The following CNTNAP2 variants were observed in gnomAD, a reference collection of about 807,000 sequenced individuals.
The protein encoded by CNTNAP2 is contactin-associated protein-like 2.
Under a neutral mutation model 155.2 loss-of-function variants are expected in CNTNAP2, and 98 were observed. That is an observed-to-expected ratio of 0.63 (90% CI 0.54 to 0.75). The LOEUF is 0.75. Ranked by LOEUF, CNTNAP2 falls within the 30% of genes least tolerant of loss-of-function variation. The pLI, the probability that CNTNAP2 is intolerant of heterozygous loss-of-function variation, is 0.00. For synonymous variants in CNTNAP2, 651 were observed against 631.2 expected (o/e 1.03, Z -0.47); for missense variants, 1,727 against 1,688.1 (o/e 1.02, Z -0.40).
At chr7:146,485,792 T>C (rs1476289084) in intron 1 of CNTNAP2, among the ~76,000 whole-genome samples, 1 of 151,862 alleles carries the variant, frequency 6.6e-6, no homozygotes, top group African/African-American at 2.4e-5. Flanking sequence ...TGAAATAATC[T>C]GTACAAAAAA....
chr7:147,866,782 T>G (rs2116695012), intron 13 of CNTNAP2, among the ~76,000 whole-genome samples: 1 of 151,712 alleles, frequency 6.6e-6, no homozygotes. Flanking sequence ...TTGTTGTTGT[T>G]TTGCTTTCCA....
intron 1 of CNTNAP2, among the ~76,000 whole-genome samples, chr7:146,334,178 T>C (rs1018327004): frequency 2.6e-5 from 4 of 152,278 alleles, no homozygotes; most frequent in South Asian, 2.1e-4. Context: ...ACGCCTGTAA[T>C]CCCAGCACTT....
chr7:146,670,462 G>A (rs971356111), intron 1 of CNTNAP2, among the ~76,000 whole-genome samples: 10 of 88,260 alleles, frequency 1.1e-4, no homozygotes, highest in Admixed American at 6.4e-4. Flanking sequence ...CTAGATGTGC[G>A]AACTCTAGCA....
At chr7:147,962,260 A>G (rs1218606606) in intron 14 of CNTNAP2, among the ~76,000 whole-genome samples, 1 of 152,218 alleles carries the variant, frequency 6.6e-6, no homozygotes, top group East Asian at 1.9e-4. Flanking sequence ...GTTTGCAGAT[A>G]CAAGTTTAAG....
intron 18 of CNTNAP2, among the ~76,000 whole-genome samples, chr7:148,207,059 G>T (rs6963532): frequency 0.74 from 113,228 of 152,112 alleles, 43,554 homozygotes; most frequent in Non-Finnish European, 0.83. Flanking sequence ...CGCAAACTCC[G>T]TTTGGGAAAA....
intron 13 of CNTNAP2, among the ~76,000 whole-genome samples, chr7:147,665,791 G>A (rs1440539528): frequency 6.6e-6 from 1 of 152,132 alleles, no homozygotes; most frequent in Non-Finnish European, 1.5e-5. Flanking sequence ...TTCCTACAGA[G>A]GACATGACCT....
At chr7:147,885,289 C>T (rs10259139) in intron 13 of CNTNAP2, among the ~76,000 whole-genome samples, 2,807 of 152,160 alleles carry the variant, frequency 0.018, 78 homozygotes, top group African/African-American at 0.061. Flanking sequence ...CTCTCCTGGT[C>T]GTGTCTTCAT....
intron 11 of CNTNAP2, among the ~76,000 whole-genome samples, chr7:147,535,346 C>T (rs577846644): frequency 2.4e-4 from 37 of 152,102 alleles, no homozygotes; most frequent in South Asian, 1.9e-3. Flanking sequence ...GAGTCAAGAT[C>T]GCGCCACTGC....
At chr7:146,229,454 T>C in intron 1 of CNTNAP2, among the ~76,000 whole-genome samples, 1 of 152,188 alleles carries the variant, frequency 6.6e-6, no homozygotes, top group East Asian at 1.9e-4. Flanking sequence ...CTCCAGGTAG[T>C]GGTTTGAATA....
intron 1 of CNTNAP2, among the ~76,000 whole-genome samples, chr7:146,479,532 T>C (rs1796928579): frequency 2.0e-5 from 3 of 152,120 alleles, no homozygotes; most frequent in Non-Finnish European, 4.4e-5. Context: ...TAAATGAGAT[T>C]ATTCTTATGC....
chr7:147,811,721 A>G (rs1007154501), intron 13 of CNTNAP2, among the ~76,000 whole-genome samples: 1 of 152,158 alleles, frequency 6.6e-6, no homozygotes, highest in African/African-American at 2.4e-5. Context: ...AATGATCCCC[A>G]TACATTTTAC....
chr7:146,332,941 ATTTTTTTTTTTT>A (rs4016094), intron 1 of CNTNAP2, among the ~76,000 whole-genome samples: 2 of 102,456 alleles, frequency 2.0e-5, no homozygotes, highest in African/African-American at 3.6e-5. Flanking sequence ...TTCTTCTTCT[ATTTTTTTTTTTT>A]TTTTTTTTTT....
chr7:147,692,609 G>C (rs1796103548), intron 13 of CNTNAP2, among the ~76,000 whole-genome samples: 1 of 152,060 alleles, frequency 6.6e-6, no homozygotes, highest in South Asian at 2.1e-4. Flanking sequence ...GATGACATGA[G>C]CATTTTTTCT....
intron 3 of CNTNAP2, among the ~76,000 whole-genome samples, chr7:146,862,865 C>A (rs1318182311): frequency 2.0e-5 from 3 of 152,290 alleles, no homozygotes; most frequent in Admixed American, 6.5e-5. Context: ...GTAATGTGGT[C>A]ATTCTGGTTC....
chr7:146,869,870 C>T lies in CNTNAP2; in HGVS notation c.402+29966C>T, dbSNP rs534667715. Among the ~76,000 whole-genome samples the T allele has an allele frequency of 3.3e-5, 5 of 152,264 alleles. No individual in the cohort carries two copies. In the South Asian group the frequency reaches 1.0e-3, roughly 32 times the overall value. ...TGTGGGTACGTCTTCCTCTCCCAGT[C>T]CACTGACTCGAATATTAATCTCTTC... On this transcript the variant is annotated intron_variant, in intron 3 of 23. Coordinates refer to ENST00000361727, the MANE Select transcript of CNTNAP2 (RefSeq NM_014141.6).
intron 10 of CNTNAP2, among the ~76,000 whole-genome samples, chr7:147,483,650 A>G (rs1222989386): frequency 6.6e-6 from 1 of 152,240 alleles, no homozygotes; most frequent in Non-Finnish European, 1.5e-5. Context: ...ATTAACCCGC[A>G]ATAATTTAGA....
At chr7:146,781,232 A>AG (rs1802482146) in intron 2 of CNTNAP2, among the ~76,000 whole-genome samples, 1 of 151,302 alleles carries the variant, frequency 6.6e-6, no homozygotes, top group African/African-American at 2.4e-5. Context: ...CATCTCAAAA[A>AG]AAAAAAAACA....
intron 21 of CNTNAP2, among the ~76,000 whole-genome samples, chr7:148,341,191 CTGTGCCT>C (rs1027491911): frequency 3.9e-5 from 6 of 152,344 alleles, no homozygotes; most frequent in Middle Eastern, 3.4e-3. Flanking sequence ...TGTAATGGTA[CTGTGCCT>C]CTTGCCAGCC....
intron 1 of CNTNAP2, among the ~76,000 whole-genome samples, chr7:146,194,434 T>C (rs1798748481): frequency 6.6e-6 from 1 of 152,178 alleles, no homozygotes; most frequent in Admixed American, 6.5e-5. Flanking sequence ...TTTCCCTTTA[T>C]AAAACCATCA....
Sources: allele counts gnomAD v4.1 joint callset (sites outside exome capture counted in the v4.1 genomes callset), GRCh38; gene constraint gnomAD v4.1.1; transcripts MANE v1.5; gene names NCBI Gene and HGNC (gene_info 2026-07-23, HGNC 2026-07-21).